The following DIAPH2 variants were observed in gnomAD, a reference collection of about 807,000 sequenced individuals.
DIAPH2 encodes the protein diaphanous related formin 2.
Under a neutral mutation model 92.7 loss-of-function variants are expected in DIAPH2, and 35 were observed. The ratio of observed to expected loss-of-function variants is 0.38; its 90% CI spans 0.29 to 0.50. The LOEUF (loss-of-function observed/expected upper bound fraction) is 0.50, where lower values mean the gene tolerates loss of function less well. Ranked by LOEUF, DIAPH2 falls within the 20% of genes least tolerant of loss-of-function variation. The pLI is 0.94. For missense variants in DIAPH2, 701 were observed against 819.5 expected, an observed-to-expected ratio of 0.86 and a Z score of 1.77; for synonymous variants, 301 against 280.4, an observed-to-expected ratio of 1.07 and a Z score of -0.73.
intron 23 of DIAPH2, among the ~76,000 whole-genome samples, chrX:97,300,293 T>A (rs991805733): frequency 1.8e-5 from 2 of 112,049 alleles, no homozygotes; most frequent in Non-Finnish European, 3.8e-5. Context: ...TACGTAACTC[T>A]CTATGTGAAT....
intron 4 of DIAPH2, among the ~76,000 whole-genome samples, chrX:96,768,349 A>G (rs1383378558): frequency 8.9e-6 from 1 of 111,877 alleles, no homozygotes; most frequent in Non-Finnish European, 1.9e-5. Flanking sequence ...TTGAATCCTG[A>G]TTCACTACTC....
chrX:96,978,737 T>TC (rs1210057852), intron 17 of DIAPH2, among the ~76,000 whole-genome samples: 2 of 111,422 alleles, frequency 1.8e-5, no homozygotes, highest in Admixed American at 1.9e-4. Context: ...TCATTTATTT[T>TC]CTCACAGATT....
intron 22 of DIAPH2, among the ~76,000 whole-genome samples, chrX:97,181,396 GTGT>G (rs1188562337): frequency 1.8e-5 from 2 of 109,659 alleles, no homozygotes; most frequent in South Asian, 4.0e-4. Flanking sequence ...ATGAGTATAT[GTGT>G]TGTTGTTGTT....
At chrX:96,919,427 C>A (rs2147785213) in intron 9 of DIAPH2, among the ~76,000 whole-genome samples, 1 of 111,485 alleles carries the variant, frequency 9.0e-6, no homozygotes, top group African/African-American at 3.3e-5. Context: ...TTTTTGGTCT[C>A]TGCTAATCTC....
chrX:96,911,785 A>G (rs1249733189), intron 5 of DIAPH2, among the ~76,000 whole-genome samples: 1 of 111,665 alleles, frequency 9.0e-6, no homozygotes, highest in African/African-American at 3.2e-5. Context: ...TCTAGATAGT[A>G]AAGTCCATGA....
chrX:96,718,336 G>GT (rs962776012), intron 1 of DIAPH2, among the ~76,000 whole-genome samples: 1 of 10,993 alleles, frequency 9.1e-5, no homozygotes, highest in African/African-American at 4.6e-4. Flanking sequence ...CATTTTCTTT[G>GT]TTTTTTTTTT....
intron 1 of DIAPH2, among the ~76,000 whole-genome samples, chrX:96,708,245 C>A (rs1340184364): frequency 1.8e-5 from 1 of 56,664 alleles, no homozygotes. Flanking sequence ...CCACCCAGAT[C>A]ATTTTTTTTT....
intron 5 of DIAPH2, among the ~76,000 whole-genome samples, chrX:96,905,553 T>A (rs2065427345): frequency 9.0e-6 from 1 of 111,661 alleles, no homozygotes; most frequent in Non-Finnish European, 1.9e-5. Context: ...AATTGAATCT[T>A]CTGATACCTT....
chrX:96,922,750 A>C (rs2065554654), intron 9 of DIAPH2, among the ~76,000 whole-genome samples: 1 of 111,841 alleles, frequency 8.9e-6, no homozygotes, highest in African/African-American at 3.2e-5. Flanking sequence ...GTAGACTTTT[A>C]AATGCTCTCA....
At chrX:97,131,107 AAAAT>A (rs964274137) in intron 21 of DIAPH2, among the ~76,000 whole-genome samples, 2 of 110,560 alleles carry the variant, frequency 1.8e-5, no homozygotes, top group Admixed American at 9.8e-5. Context: ...CTCTCTCAAA[AAAAT>A]AAATAAATAA....
chrX:96,845,689 A>G (rs1193943941), intron 4 of DIAPH2, among the ~76,000 whole-genome samples: 2 of 112,652 alleles, frequency 1.8e-5, no homozygotes, highest in African/African-American at 6.4e-5. Flanking sequence ...GAATATTTTT[A>G]TATTTTACGT....
At chrX:96,994,358 T>C (rs909419764) in intron 17 of DIAPH2, among the ~76,000 whole-genome samples, 1 of 111,956 alleles carries the variant, frequency 8.9e-6, no homozygotes, top group African/African-American at 3.2e-5. Context: ...ATGACAGTGC[T>C]ACTTACTGCG....
intron 4 of DIAPH2, among the ~76,000 whole-genome samples, chrX:96,815,989 T>C (rs2064731564): frequency 9.0e-6 from 1 of 111,638 alleles, no homozygotes; most frequent in Non-Finnish European, 1.9e-5. Context: ...AACTCTTGTA[T>C]TTCTCTCTCA....
At chrX:96,845,915 G>A (rs707292) in intron 4 of DIAPH2, among the ~76,000 whole-genome samples, 36,919 of 109,078 alleles carry the variant, frequency 0.34, 5,778 homozygotes, top group South Asian at 0.5. Flanking sequence ...TGAGTAGCTG[G>A]GATTACAGGC....
intron 23 of DIAPH2, among the ~76,000 whole-genome samples, chrX:97,267,035 A>AAG (rs2068343011): frequency 8.9e-6 from 1 of 112,225 alleles, no homozygotes; most frequent in South Asian, 3.7e-4. Flanking sequence ...GCTAACCTAC[A>AAG]AGAATAAGCT....
chrX:97,365,755 G>T (rs2147711067), intron 24 of DIAPH2, among the ~76,000 whole-genome samples: 1 of 105,505 alleles, frequency 9.5e-6, no homozygotes, highest in African/African-American at 3.5e-5. Context: ...GTCCAGGCTG[G>T]GGTACAGTGG....
chrX:97,122,186 C>A (rs1453899572), intron 21 of DIAPH2, among the ~76,000 whole-genome samples: 1 of 111,655 alleles, frequency 9.0e-6, no homozygotes, highest in Admixed American at 9.5e-5. Flanking sequence ...ATTTTCTTGG[C>A]TCTCTGGCAT....
At chrX:97,457,435 A>G (rs1302648298) in intron 26 of DIAPH2, among the ~76,000 whole-genome samples, 2 of 112,950 alleles carry the variant, frequency 1.8e-5, no homozygotes, top group African/African-American at 6.4e-5. Flanking sequence ...TCAATTATTC[A>G]TCAATTGCTG....
intron 23 of DIAPH2, among the ~76,000 whole-genome samples, chrX:97,280,488 A>G (rs761793169): frequency 9.0e-6 from 1 of 110,911 alleles, no homozygotes; most frequent in East Asian, 2.8e-4. Context: ...TAATAATAAT[A>G]ATGAAATAAT....
Sources: allele counts gnomAD v4.1 joint callset (sites outside exome capture counted in the v4.1 genomes callset), GRCh38; gene constraint gnomAD v4.1.1; transcripts MANE v1.5; gene names NCBI Gene and HGNC (gene_info 2026-07-23, HGNC 2026-07-21).